The following DHRSX variants were observed in gnomAD, a reference collection of about 807,000 sequenced individuals.
DHRSX encodes the protein dehydrogenase/reductase X-linked, also known as polyprenol dehydrogenase.
A neutral mutation model predicts 34.0 loss-of-function variants in DHRSX; 31 were observed. The ratio of observed to expected loss-of-function variants is 0.91; its 90% CI spans 0.69 to 1.23. The LOEUF (loss-of-function observed/expected upper bound fraction) is 1.23. Among genes scored for constraint, DHRSX ranks in the 50% most tolerant of loss-of-function variants. The pLI is 0.00. For synonymous variants in DHRSX, 201 were observed against 183.8 expected (o/e 1.09, Z -0.76); for missense variants, 414 against 428.1 (o/e 0.97, Z 0.29).
intron 6 of DHRSX, among the ~76,000 whole-genome samples, chrX:2,222,333 G>C (rs893465354): frequency 6.6e-6 from 1 of 152,232 alleles, no homozygotes; most frequent in African/African-American, 2.4e-5. Context: ...AGGTCAGGCT[G>C]GCCTGAAATT....
At chrX:2,432,831 T>C (rs944062828) in intron 1 of DHRSX, among the ~76,000 whole-genome samples, 5 of 152,126 alleles carry the variant, frequency 3.3e-5, no homozygotes, top group Admixed American at 3.3e-4. Context: ...AAAAACTACT[T>C]GTTTAAAAAA....
intron 1 of DHRSX, among the ~76,000 whole-genome samples, chrX:2,457,018 C>T (rs188672234): frequency 6.6e-6 from 1 of 152,144 alleles, no homozygotes; most frequent in Non-Finnish European, 1.5e-5. Flanking sequence ...CAGAGAGGAG[C>T]AGGCTGGCTG....
chrX:2,474,727 A>C (rs1340717667), intron 1 of DHRSX, among the ~76,000 whole-genome samples: 1 of 151,558 alleles, frequency 6.6e-6, no homozygotes, highest in Non-Finnish European at 1.5e-5. Context: ...CCATGTACAC[A>C]CTGAAGACGT....
intron 1 of DHRSX, among the ~76,000 whole-genome samples, chrX:2,491,471 A>T (rs2045143748): frequency 6.6e-6 from 1 of 152,142 alleles, no homozygotes; most frequent in African/African-American, 2.4e-5. Context: ...CTGGGGATGA[A>T]GCCTACATAG....
rs1359196376 is a variant in DHRSX, at chrX:2,485,057, G to C, written c.109+15760C>G. On this transcript the variant is annotated intron_variant, in intron 1 of 6. Coordinates refer to ENST00000334651, the MANE Select transcript of DHRSX (RefSeq NM_145177.3). ...AGCAGGCAATTCTGCAAAGTGGGGG[G>C]GAAACAAAAACAACCAGCTCAGAGT... 3.3e-5 allele frequency among the ~76,000 whole-genome samples: 5 copies of C among 152,300 alleles called. No individual in the cohort carries two copies. The East Asian group carries it at 7.7e-4, about 24-fold the overall frequency.
At chrX:2,271,839 C>T (rs1485623684) in intron 4 of DHRSX, among the ~76,000 whole-genome samples, 1 of 152,028 alleles carries the variant, frequency 6.6e-6, no homozygotes, top group South Asian at 2.1e-4. Context: ...GTCAGGAGTT[C>T]GAGACCAGCT....
chrX:2,354,492 C>CG (rs2042824951), intron 3 of DHRSX, among the ~76,000 whole-genome samples: 1 of 152,142 alleles, frequency 6.6e-6, no homozygotes, highest in Non-Finnish European at 1.5e-5. Context: ...GATGGAATCT[C>CG]GCTCTGTCAG....
chrX:2,407,545 T>A (rs1005355396), intron 3 of DHRSX, among the ~76,000 whole-genome samples: 1 of 152,168 alleles, frequency 6.6e-6, no homozygotes, highest in Admixed American at 6.5e-5. Context: ...TTTCTTTACA[T>A]CCCCTCGTTA....
At chrX:2,334,439 C>T (rs2042525793) in intron 3 of DHRSX, 1 of 151,956 alleles carries the variant, frequency 6.6e-6, no homozygotes, top group Admixed American at 6.6e-5. Context: ...AGGCGTGAGT[C>T]ACCGGACCCA....
intron 3 of DHRSX, among the ~76,000 whole-genome samples, chrX:2,346,760 A>G (rs1424539810): frequency 6.6e-6 from 1 of 151,870 alleles, no homozygotes; most frequent in Non-Finnish European, 1.5e-5. Context: ...TCAACCCGTC[A>G]TCTACATTAG....
At chrX:2,311,232 AAGAG>A (rs762305531) in intron 3 of DHRSX, among the ~76,000 whole-genome samples, 2 of 151,702 alleles carry the variant, frequency 1.3e-5, no homozygotes, top group African/African-American at 2.4e-5. Flanking sequence ...GAGGGAGAGA[AAGAG>A]AGAGAGACAT....
At chrX:2,306,301 C>T (rs1277806141) in intron 3 of DHRSX, among the ~76,000 whole-genome samples, 1 of 151,718 alleles carries the variant, frequency 6.6e-6, no homozygotes, top group African/African-American at 2.4e-5. Context: ...TGGCTGGCAT[C>T]ACTAGGGGAA....
intron 3 of DHRSX, among the ~76,000 whole-genome samples, chrX:2,390,864 C>T (rs1184907427): frequency 6.6e-6 from 1 of 151,974 alleles, no homozygotes; most frequent in Non-Finnish European, 1.5e-5. Context: ...GGATACACCA[C>T]ATTTTGCTTA....
At chrX:2,356,527 C>T (rs1262362519) in intron 3 of DHRSX, among the ~76,000 whole-genome samples, 1 of 152,174 alleles carries the variant, frequency 6.6e-6, no homozygotes, top group African/African-American at 2.4e-5. Flanking sequence ...GAGGCAACAT[C>T]CAATGTTGGT....
chrX:2,225,870 C>T (rs2015647867), intron 6 of DHRSX, among the ~76,000 whole-genome samples: 1 of 151,814 alleles, frequency 6.6e-6, no homozygotes, highest in African/African-American at 2.4e-5. Flanking sequence ...ATAAGCCACC[C>T]AGTCTATGGT....
intron 1 of DHRSX, among the ~76,000 whole-genome samples, chrX:2,485,655 GGGATGGGGGAA>G (rs1425724801): frequency 4.2e-5 from 3 of 72,108 alleles, no homozygotes; most frequent in African/African-American, 2.3e-4. Flanking sequence ...GAGGGAGGGA[GGGATGGGGGAA>G]GGAGGGAGGG....
rs2043121703 is a variant in DHRSX, at chrX:2,374,775, C to T, written c.286+33970G>A. Among the ~76,000 whole-genome samples, 2 of 133,814 alleles carry T rather than the reference C, an allele frequency of 1.5e-5. 1 individual carries two copies. The highest frequency in any genetic ancestry group is 5.0e-5 in the African/African-American group (2 of 39,872). 87.8% of individuals were successfully genotyped at this position (133,814 alleles called of 152,430 possible). ...AAAAACAAAAAACGAAAAACAAAGT[C>T]TTCTCGAAACAGACCACAGCAAGGC... On this transcript the variant is annotated intron_variant, in intron 3 of 6. Transcript: ENST00000334651.
At chrX:2,249,513 CTTTTTTTTTTTTTTTTT>C (rs753035485) in intron 5 of DHRSX, among the ~76,000 whole-genome samples, 1 of 70,166 alleles carries the variant, frequency 1.4e-5, no homozygotes, top group Admixed American at 1.7e-4. Flanking sequence ...CTTTTTGTGC[CTTTTTTTTTTTTTTTTT>C]TTTTTTTTTT....
intron 1 of DHRSX, among the ~76,000 whole-genome samples, chrX:2,443,800 A>G (rs1472189265): frequency 2.0e-5 from 3 of 152,108 alleles, no homozygotes; most frequent in Admixed American, 2.0e-4. Flanking sequence ...AGGTCAGGAT[A>G]TCGAGACCAT....
Sources: allele counts gnomAD v4.1 joint callset (sites outside exome capture counted in the v4.1 genomes callset), GRCh38; gene constraint gnomAD v4.1.1; transcripts MANE v1.5; gene names NCBI Gene and HGNC (gene_info 2026-07-23, HGNC 2026-07-21).